SMAD6: variants seen among roughly 807,000 people sequenced by gnomAD.
SMAD6 encodes the protein SMAD family member 6.
Under a neutral mutation model 39.4 loss-of-function variants are expected in SMAD6, and 103 were observed. The observed-to-expected ratio is 2.62, with a 90% CI of 2.23 to 3.08. The LOEUF is 3.08. Ranked by LOEUF, SMAD6 falls within the 30% of genes most tolerant of loss-of-function variation. The pLI, the probability that SMAD6 is intolerant of heterozygous loss-of-function variation, is 0.00. For missense variants in SMAD6, 1,104 were observed against 742.9 expected (o/e 1.49, Z -5.65); for synonymous variants, 445 against 353.3 (o/e 1.26, Z -2.91).
At position 66,759,274 on chromosome 15, in the gene SMAD6, C is replaced by G. The variant is rs140724617; in HGVS notation, c.953-21723C>G. Among the ~76,000 whole-genome samples the G allele has an allele frequency of 2.0e-5, 3 of 152,154 alleles. No individual in the cohort carries two copies. In the East Asian group the frequency reaches 5.8e-4, roughly 29 times the overall value. On this transcript the variant is annotated intron_variant, in intron 3 of 3. Coordinates refer to ENST00000288840, the MANE Select transcript of SMAD6 (RefSeq NM_005585.5). ...AGAAATAAGAGAATTTGATAAATCC[C>G]CAGAAAAGTGGGGCTTTATAATCAT...
At chr15:66,716,554 C>A in intron 3 of SMAD6, 56 bp downstream of exon 3, 2 of 1,280,912 alleles carry the variant, frequency 1.6e-6, no homozygotes, top group Non-Finnish European at 2.3e-6. Flanking sequence ...AAGGGGACAG[C>A]TGCGGAGGGG....
intron 2 of SMAD6, among the ~76,000 whole-genome samples, chr15:66,712,688 CAAAAAAAA>C (rs775687604): frequency 3.4e-4 from 17 of 49,328 alleles, no homozygotes; most frequent in African/African-American, 1.2e-3. Context: ...AATTCTGTCT[CAAAAAAAA>C]AAAAAAAAAA....
chr15:66,711,283 A>G (rs1350146133), intron 1 of SMAD6, among the ~76,000 whole-genome samples: 3 of 152,192 alleles, frequency 2.0e-5, no homozygotes, highest in Non-Finnish European at 2.9e-5. Flanking sequence ...TTAAAGTAGT[A>G]ACAGTTACTG....
At position 66,703,511 on chromosome 15, in the gene SMAD6, C is replaced by G; in HGVS notation, c.253C>G (p.Arg85Gly). 8.2e-7 allele frequency: 1 copy of G among 1,223,276 alleles called. No individual in the cohort carries two copies. The highest frequency in any genetic ancestry group is 1.0e-6 in the Non-Finnish European group (1 of 979,486). The allele number at this position is 1,223,276 out of a possible 1,614,324, so 75.8% of individuals were successfully genotyped here. A position where few individuals can be genotyped will look rare whatever the true frequency, so the allele number is the denominator to read the frequency against. ...CGCCCAGGGCGCGGGGAGGCGCCGG[C>G]GCGCAGGGGGCCCCCCGAGGCCCAT... Reference protein sequence around the residue: ...RGAQGAGRRRRAGGPPRPMSE... With the variant: ...RGAQGAGRRRGAGGPPRPMSE... The change falls in exon 1 of 4, where the codon CGC becomes GGC. Residue 85 changes from arginine (R) to glycine (G), a missense_variant. Transcript: ENST00000288840.
intron 3 of SMAD6, among the ~76,000 whole-genome samples, chr15:66,724,708 G>A (rs1205952885): frequency 6.6e-6 from 1 of 152,186 alleles, no homozygotes; most frequent in Non-Finnish European, 1.5e-5. Flanking sequence ...GGGTACCTGA[G>A]ACTCAGCATG....
intron 3 of SMAD6, among the ~76,000 whole-genome samples, chr15:66,721,506 A>C (rs1376748589): frequency 6.6e-6 from 1 of 152,204 alleles, no homozygotes. Context: ...GCTGAAGAGC[A>C]TGGGCTCTGC....
intron 3 of SMAD6, among the ~76,000 whole-genome samples, chr15:66,764,974 G>C (rs1359703207): frequency 6.6e-6 from 1 of 152,162 alleles, no homozygotes; most frequent in Non-Finnish European, 1.5e-5. Flanking sequence ...TCACGCCAAG[G>C]CTGGTCCCCT....
chr15:66,741,372 G>A (rs1005278516), intron 3 of SMAD6, among the ~76,000 whole-genome samples: 2 of 152,336 alleles, frequency 1.3e-5, no homozygotes, highest in Admixed American at 6.5e-5. Flanking sequence ...TTGCCGAGGG[G>A]CTTCGCCTCT....
In SMAD6 at chr15:66,781,359, T is replaced by C. The variant is rs1894568138; in HGVS notation, c.1315T>C (p.Phe439Leu). Residue 439 changes from phenylalanine to leucine, a missense_variant, in exon 4 of 4, where the codon TTC becomes CTC. Physicochemically the swap from Phe to Leu is conservative, Grantham distance 22. Transcript: ENST00000288840. ...KVPPGYSIKV[F>L]DFERSGLQHA... Reference sequence around the variant, plus strand: ...GCCCCCCGGCTACTCCATCAAGGTGTTCGACTTCGAGCGCTCGGGCCTGCA... The same window carrying C: ...GCCCCCCGGCTACTCCATCAAGGTGCTCGACTTCGAGCGCTCGGGCCTGCA... The C allele has an allele frequency of 6.3e-7, 1 of 1,599,730 alleles. No individual in the cohort carries two copies. Among genetic ancestry groups the C allele is most frequent in the Admixed American group, 1.7e-5 (1 of 59,712 alleles).
At chr15:66,766,299 G>A (rs1001250986) in intron 3 of SMAD6, among the ~76,000 whole-genome samples, 1 of 152,164 alleles carries the variant, frequency 6.6e-6, no homozygotes, top group Non-Finnish European at 1.5e-5. Context: ...ACTGCCTGTT[G>A]GAACTAGGTA....
chr15:66,774,631 T>C lies in SMAD6; in HGVS notation c.953-6366T>C, dbSNP rs79186876. Among the ~76,000 whole-genome samples the C allele has an allele frequency of 5.9e-3, 901 of 152,186 alleles. 13 individuals carry two copies. Among genetic ancestry groups the C allele is most frequent in the African/African-American group, 0.021 (872 of 41,546 alleles). ...AGGACAGCCACAGGACATTGCCACT[T>C]TCTTCTTTTTAATTTTTTCAAGGTA... On this transcript the variant is annotated intron_variant, in intron 3 of 3. Coordinates refer to ENST00000288840, the MANE Select transcript of SMAD6 (RefSeq NM_005585.5).
chr15:66,737,873 G>A (rs1401041275), intron 3 of SMAD6, among the ~76,000 whole-genome samples: 1 of 152,146 alleles, frequency 6.6e-6, no homozygotes, highest in Non-Finnish European at 1.5e-5. Flanking sequence ...AAACATGGAA[G>A]TGAGGAGTGC....
intron 2 of SMAD6, among the ~76,000 whole-genome samples, chr15:66,714,784 T>C (rs2140601328): frequency 6.6e-6 from 1 of 152,282 alleles, no homozygotes; most frequent in South Asian, 2.1e-4. Context: ...TGTGAGGGTT[T>C]GGCAAGGGCG....
intron 3 of SMAD6, among the ~76,000 whole-genome samples, chr15:66,758,842 A>G (rs1474007324): frequency 6.6e-6 from 1 of 152,228 alleles, no homozygotes; most frequent in African/African-American, 2.4e-5. Context: ...TTGAATCTAA[A>G]GGGAATGGGA....
intron 3 of SMAD6, among the ~76,000 whole-genome samples, chr15:66,718,368 G>C (rs1893371743): frequency 6.6e-6 from 1 of 152,160 alleles, no homozygotes. Context: ...GCCTGTGTCT[G>C]AGATTTCCGA....
intron 3 of SMAD6, among the ~76,000 whole-genome samples, chr15:66,759,120 G>A (rs1295049456): frequency 6.6e-6 from 1 of 152,276 alleles, no homozygotes; most frequent in Non-Finnish European, 1.5e-5. Context: ...AAAAACAGCT[G>A]GCAGGCCAAA....
At chr15:66,760,068 C>T (rs1195952023) in intron 3 of SMAD6, among the ~76,000 whole-genome samples, 1 of 152,220 alleles carries the variant, frequency 6.6e-6, no homozygotes, top group Non-Finnish European at 1.5e-5. Context: ...GTTCCCCAAA[C>T]CTGGAATGCC....
chr15:66,703,383 G>A lies in SMAD6; in HGVS notation c.125G>A (p.Arg42Gln), dbSNP rs1270837180. The A allele has an allele frequency of 1.0e-5, 15 of 1,435,892 alleles. 1 individual carries two copies. In the South Asian group the frequency reaches 1.5e-4, roughly 14 times the overall value. 88.9% of individuals were successfully genotyped at this position (1,435,892 alleles called of 1,614,324 possible). Residue 42 changes from arginine to glutamine, a missense_variant, in exon 1 of 4, where the codon CGA becomes CAA. By Grantham distance (43) the Arg-to-Gln change is conservative. Transcript: ENST00000288840. ...GGDEDGSLGS[R>Q]AEPAPRAREG... is the part of the protein sequence containing the mutation. Reference sequence around the variant, plus strand: ...GACGAGGATGGGAGCTTGGGCAGCCGAGCTGAGCCGGCCCCGCGGGCAAGA... The same window carrying A: ...GACGAGGATGGGAGCTTGGGCAGCCAAGCTGAGCCGGCCCCGCGGGCAAGA...
At chr15:66,713,628 C>T (rs940150410) in intron 2 of SMAD6, among the ~76,000 whole-genome samples, 5 of 152,204 alleles carry the variant, frequency 3.3e-5, no homozygotes, top group South Asian at 2.1e-4. Flanking sequence ...GGGCAAGTCA[C>T]TTCTTAGTGT....
Sources: allele counts gnomAD v4.1 joint callset (sites outside exome capture counted in the v4.1 genomes callset), GRCh38; gene constraint gnomAD v4.1.1; transcripts MANE v1.5; gene names NCBI Gene and HGNC (gene_info 2026-07-23, HGNC 2026-07-21).